MAPK6: variants seen among roughly 807,000 people sequenced by gnomAD.
The protein encoded by MAPK6 is mitogen-activated protein kinase 6, also known as ERK-3.
In MAPK6, 19 loss-of-function variants were observed where a neutral mutation model predicts 59.3. That is an observed-to-expected ratio of 0.32 (90% CI 0.22 to 0.47). The LOEUF is 0.47. MAPK6 is among the 20% of genes least tolerant of loss of function. The probability of loss-of-function intolerance (pLI) is 1.00; values close to 1 mark genes in which losing one functional copy is unlikely to be tolerated. For missense variants in MAPK6, 724 were observed against 847.9 expected (o/e 0.85, Z 1.81); for synonymous variants, 316 against 290.3 (o/e 1.09, Z -0.90).
At chr15:51,971,881 C>T in exon 1 of MAPK6, 1 of 914,106 alleles carries the variant, frequency 1.1e-6, no homozygotes, top group Non-Finnish European at 1.8e-6. Context: ...AGTTTTCGCT[C>T]GCCCAGTGAA....
At chr15:52,029,788 T>C (rs2030959047) in intron 1 of MAPK6, among the ~76,000 whole-genome samples, 6 of 152,206 alleles carry the variant, frequency 3.9e-5, no homozygotes, top group Admixed American at 3.3e-4. Context: ...CATCTTTATT[T>C]CTGCCACCTT....
chr15:52,026,640 G>A (rs1439090232), intron 1 of MAPK6, among the ~76,000 whole-genome samples: 1 of 152,134 alleles, frequency 6.6e-6, no homozygotes, highest in African/African-American at 2.4e-5. Flanking sequence ...TATAGTCACA[G>A]GCCTATGTCC....
At chr15:52,005,552 T>C (rs1008533888) in intron 3 of MAPK6, among the ~76,000 whole-genome samples, 44 of 150,390 alleles carry the variant, frequency 2.9e-4, no homozygotes, top group African/African-American at 9.8e-4. Context: ...GAGAGAGAGA[T>C]CTGGCTTAAC....
intron 1 of MAPK6, among the ~76,000 whole-genome samples, chr15:52,030,556 T>C (rs2141872282): frequency 6.7e-6 from 1 of 149,568 alleles, no homozygotes; most frequent in African/African-American, 2.4e-5. Flanking sequence ...GGTAGTACTA[T>C]ACCAGCGTTA....
At chr15:51,996,817 C>G (rs752175444) in intron 2 of MAPK6, among the ~76,000 whole-genome samples, 3 of 151,090 alleles carry the variant, frequency 2.0e-5, no homozygotes, top group Non-Finnish European at 4.4e-5. Context: ...CTCAGCCTCC[C>G]AAGTAGCTAG....
intron 1 of MAPK6, among the ~76,000 whole-genome samples, chr15:51,980,023 G>T (rs982593318): frequency 1.3e-5 from 2 of 151,790 alleles, no homozygotes; most frequent in South Asian, 4.1e-4. Flanking sequence ...GGCCGGGCGC[G>T]GTGGCTCACA....
chr15:51,971,843 C>A, exon 1 of MAPK6: 2 of 1,291,084 alleles, frequency 1.5e-6, no homozygotes, highest in South Asian at 1.2e-5. Context: ...AAAGATTCGC[C>A]GAAGACACTC....
At chr15:52,015,783 C>T (rs530380365), upstream of MAPK6, among the ~76,000 whole-genome samples, 5 of 146,830 alleles carry the variant, frequency 3.4e-5, no homozygotes, top group African/African-American at 7.5e-5. Context: ...CCGGGCTGGG[C>T]GTGGTGGCTC....
chr15:52,049,663 G>A (rs547231472), intron 2 of MAPK6, among the ~76,000 whole-genome samples: 73 of 148,754 alleles, frequency 4.9e-4, no homozygotes, highest in African/African-American at 1.6e-3. Flanking sequence ...TGCCCAGGGC[G>A]GAGTGCAGTG....
At chr15:51,975,729 G>A (rs2057155411) in intron 1 of MAPK6, among the ~76,000 whole-genome samples, 1 of 151,718 alleles carries the variant, frequency 6.6e-6, no homozygotes, top group South Asian at 2.1e-4. Context: ...GCTTTTCTGA[G>A]CACTTTGTGG....
intron 2 of MAPK6, among the ~76,000 whole-genome samples, chr15:52,049,137 G>A (rs1009273236): frequency 2.0e-5 from 3 of 152,128 alleles, no homozygotes; most frequent in Non-Finnish European, 2.9e-5. Flanking sequence ...GTTTTGTAAG[G>A]TGCTTTGTAA....
intron 2 of MAPK6, among the ~76,000 whole-genome samples, chr15:51,994,941 C>T (rs1375388882): frequency 6.6e-6 from 1 of 152,234 alleles, no homozygotes; most frequent in Non-Finnish European, 1.5e-5. Context: ...CCTATAATAA[C>T]TAAATACAAC....
At chr15:52,056,879 C>T (rs1318027431) in intron 3 of MAPK6, 1 of 152,142 alleles carries the variant, frequency 6.6e-6, no homozygotes, top group Admixed American at 6.5e-5. Flanking sequence ...ATATCTTCAG[C>T]CCTGACCTCT....
chr15:52,060,876 A>T (rs2032173521), intron 4 of MAPK6, among the ~76,000 whole-genome samples: 1 of 152,224 alleles, frequency 6.6e-6, no homozygotes, highest in African/African-American at 2.4e-5. Flanking sequence ...TTTGTACCTT[A>T]TGAAATATCT....
chr15:52,053,841 G>C (rs527661154), intron 3 of MAPK6, among the ~76,000 whole-genome samples: 1 of 151,682 alleles, frequency 6.6e-6, no homozygotes, highest in Non-Finnish European at 1.5e-5. Context: ...GGTTCACCAC[G>C]TTGGTCAGGC....
chr15:52,010,715 T>C (rs10152141), intron 3 of MAPK6, among the ~76,000 whole-genome samples: 8,415 of 151,916 alleles, frequency 0.055, 452 homozygotes, highest in African/African-American at 0.13. Flanking sequence ...GATGGGATTT[T>C]ACCATGTTGG....
At chr15:52,010,187 G>A (rs764619462) in intron 3 of MAPK6, among the ~76,000 whole-genome samples, 17 of 152,124 alleles carry the variant, frequency 1.1e-4, no homozygotes, top group Non-Finnish European at 2.5e-4. Flanking sequence ...CTTGATAAAT[G>A]ATTGCTATTA....
chr15:52,004,794 C>A (rs780730650), intron 3 of MAPK6, among the ~76,000 whole-genome samples: 7 of 152,102 alleles, frequency 4.6e-5, no homozygotes, highest in Non-Finnish European at 8.8e-5. Context: ...ACCTAAACAC[C>A]TCCAATTAGG....
rs2032403252 is a variant in MAPK6, at chr15:52,065,862, T to G, written c.*862T>G. The G allele has an allele frequency of 6.5e-6, 1 of 152,692 alleles. No individual in the cohort carries two copies. The highest frequency in any genetic ancestry group is 2.4e-5 in the African/African-American group (1 of 41,470). The allele number at this position is 152,692 out of a possible 1,614,324, so 9.5% of individuals were successfully genotyped here. ...ACTTAAGTGTTCATTTTAAGTAACG[T>G]GCTCACTGTGTATAGGAATTTGTAT... On this transcript the variant is annotated 3_prime_UTR_variant, in exon 6 of 6. Coordinates refer to ENST00000261845, the MANE Select transcript of MAPK6 (RefSeq NM_002748.4).
Sources: gnomAD v4.1 joint callset for allele counts (sites outside exome capture counted in the v4.1 genomes callset) on GRCh38, gnomAD v4.1.1 for gene constraint, MANE v1.5 for transcripts, NCBI Gene and HGNC (gene_info 2026-07-23, HGNC 2026-07-21) for gene names.